Variants in NMNAT2 observed in about 807,000 individuals in gnomAD.
NMNAT2 encodes nicotinamide/nicotinic acid mononucleotide adenylyltransferase 2.
Under a neutral mutation model 41.6 loss-of-function variants are expected in NMNAT2, and 11 were observed. That is an observed-to-expected ratio of 0.26 (90% CI 0.17 to 0.44). The LOEUF (loss-of-function observed/expected upper bound fraction) is 0.44, where lower values mean the gene tolerates loss of function less well. NMNAT2 is among the 20% of genes least tolerant of loss of function. NMNAT2 has a pLI of 1.00. For missense variants in NMNAT2, 288 were observed against 407.7 expected, an observed-to-expected ratio of 0.71 and a Z score of 2.53; for synonymous variants, 148 against 151.2, an observed-to-expected ratio of 0.98 and a Z score of 0.16.
chr1:183,385,043 A>C (rs1039153850), intron 1 of NMNAT2, among the ~76,000 whole-genome samples: 2 of 151,968 alleles, frequency 1.3e-5, no homozygotes, highest in South Asian at 2.1e-4. Context: ...AAAAAATAAA[A>C]ATAAAAAATA....
At position 183,250,980 on chromosome 1, in the gene NMNAT2, A is replaced by C. The variant is rs202098419; in HGVS notation, c.*1661T>G. 6.6e-6 allele frequency: 1 copy of C among 152,196 alleles called. No individual in the cohort carries two copies. The highest frequency in any genetic ancestry group is 1.5e-5 in the Non-Finnish European group (1 of 68,028). 9.4% of individuals were successfully genotyped at this position (152,196 alleles called of 1,614,324 possible). The stretch of plus-strand genomic sequence containing the variant: ...AATACTCAGGGACTATTTCTCAAAG[A>C]CCAGAATCCCAAGAGCCAGAGACTG... On this transcript the variant is annotated 3_prime_UTR_variant, in exon 11 of 11. Coordinates refer to ENST00000287713, the MANE Select transcript of NMNAT2 (RefSeq NM_015039.4).
chr1:183,275,607 G>C (rs1661101790), intron 8 of NMNAT2, among the ~76,000 whole-genome samples: 4 of 151,782 alleles, frequency 2.6e-5, no homozygotes, highest in African/African-American at 7.3e-5. Context: ...TAGGATGGGT[G>C]TCCTGGGACT....
In NMNAT2 at chr1:183,251,491, C is replaced by T. The variant is rs1660376850; in HGVS notation, c.*1150G>A. 1 of 152,302 alleles carries T rather than the reference C, an allele frequency of 6.6e-6. No individual in the cohort carries two copies. Among genetic ancestry groups the T allele is most frequent in the African/African-American group, 2.4e-5 (1 of 41,442 alleles). 9.4% of individuals were successfully genotyped at this position (152,302 alleles called of 1,614,324 possible). A position where few individuals can be genotyped will look rare whatever the true frequency, so the allele number is the denominator to read the frequency against. On this transcript the variant is annotated 3_prime_UTR_variant, in exon 11 of 11. Coordinates refer to ENST00000287713, the MANE Select transcript of NMNAT2 (RefSeq NM_015039.4). ...AAAGACCTCCAGGGTTGAGTGGACT[C>T]CTAGTGTTTTTTTGTTTTGTTTTGT...
intron 1 of NMNAT2, among the ~76,000 whole-genome samples, chr1:183,374,287 T>C (rs1663624768): frequency 8.7e-6 from 1 of 114,346 alleles, no homozygotes; most frequent in Non-Finnish European, 2.1e-5. Flanking sequence ...ACTTCAGGAA[T>C]CTGCTTGCAC....
At chr1:183,352,162 T>C (rs1557886794) in intron 1 of NMNAT2, among the ~76,000 whole-genome samples, 3 of 151,986 alleles carry the variant, frequency 2.0e-5, no homozygotes, top group South Asian at 4.2e-4. Context: ...CTCTTCAAGA[T>C]AAAAAAAGGC....
intron 1 of NMNAT2, among the ~76,000 whole-genome samples, chr1:183,385,953 C>T (rs7551809): frequency 0.092 from 13,915 of 152,050 alleles, 806 homozygotes; most frequent in Middle Eastern, 0.18. Flanking sequence ...CTGATGAGGG[C>T]CCGAGGGGAT....
intron 1 of NMNAT2, among the ~76,000 whole-genome samples, chr1:183,340,321 CTTTT>C (rs34610627): frequency 4.4e-5 from 5 of 114,784 alleles, no homozygotes; most frequent in Admixed American, 8.7e-5. Context: ...CCTGGGTTAG[CTTTT>C]TTTTTTTTTT....
chr1:183,405,799 C>T (rs1246654609), intron 1 of NMNAT2, among the ~76,000 whole-genome samples: 1 of 152,198 alleles, frequency 6.6e-6, no homozygotes, highest in East Asian at 1.9e-4. Context: ...TTTCAGAATT[C>T]AGAAACGCTT....
chr1:183,405,633 G>T (rs953738747), intron 1 of NMNAT2, among the ~76,000 whole-genome samples: 1 of 152,216 alleles, frequency 6.6e-6, no homozygotes, highest in East Asian at 1.9e-4. Flanking sequence ...AAGACTTTAA[G>T]ACATGGACAA....
intron 1 of NMNAT2, among the ~76,000 whole-genome samples, chr1:183,393,454 A>G (rs1255246198): frequency 1.3e-5 from 2 of 151,642 alleles, no homozygotes; most frequent in African/African-American, 4.8e-5. Context: ...CTCAAGGACC[A>G]TGGCTGCTAC....
In NMNAT2 at chr1:183,249,418, C is replaced by T. The variant is rs183667797; in HGVS notation, c.*3223G>A. 49 of 152,296 alleles carry T rather than the reference C, an allele frequency of 3.2e-4. No individual in the cohort carries two copies. Among genetic ancestry groups the T allele is most frequent in the African/African-American group, 1.2e-3 (48 of 41,564 alleles). 9.4% of individuals were successfully genotyped at this position (152,296 alleles called of 1,614,324 possible). On this transcript the variant is annotated 3_prime_UTR_variant, in exon 11 of 11. Transcript: ENST00000287713. ...TTTTGCTGGTGAACAGGAAACAAAG[C>T]TCCAGACCCCTCTGGACATGATTGT... is the stretch of plus-strand genomic sequence containing the variant.
At chr1:183,310,735 A>G (rs897310876) in intron 1 of NMNAT2, among the ~76,000 whole-genome samples, 14 of 152,110 alleles carry the variant, frequency 9.2e-5, no homozygotes, top group African/African-American at 3.4e-4. Flanking sequence ...CAGTTTGTCA[A>G]CCGTGCCAGG....
chr1:183,409,261 C>A (rs1251019722), intron 1 of NMNAT2, among the ~76,000 whole-genome samples: 5 of 152,094 alleles, frequency 3.3e-5, no homozygotes, highest in African/African-American at 9.7e-5. Context: ...CATAGTGTCA[C>A]TTTATTGAGT....
chr1:183,390,002 G>A (rs1177138072), intron 1 of NMNAT2, among the ~76,000 whole-genome samples: 1 of 151,698 alleles, frequency 6.6e-6, no homozygotes, highest in African/African-American at 2.4e-5. Flanking sequence ...AGCTTTTACA[G>A]GATAGTGCAA....
rs572488054 is a variant in NMNAT2, at chr1:183,362,478, A to G, written c.85+55705T>C. Among the ~76,000 whole-genome samples, 14 of 152,262 alleles carry G rather than the reference A, an allele frequency of 9.2e-5. No individual in the cohort carries two copies. In the South Asian group the frequency reaches 2.9e-3, roughly 32 times the overall value. ...GGCCACTACTCTACTTTCTATCCCTACAGATTTGCCTATTCTGGACATTTC... is the reference window on the plus strand; with the variant it reads ...GGCCACTACTCTACTTTCTATCCCTGCAGATTTGCCTATTCTGGACATTTC... On this transcript the variant is annotated intron_variant, in intron 1 of 10. Transcript: ENST00000287713.
At chr1:183,416,284 G>T (rs1649249370) in intron 1 of NMNAT2, among the ~76,000 whole-genome samples, 1 of 152,182 alleles carries the variant, frequency 6.6e-6, no homozygotes, top group Non-Finnish European at 1.5e-5. Context: ...AGTACCTGCT[G>T]GGTCATCAAA....
intron 1 of NMNAT2, among the ~76,000 whole-genome samples, chr1:183,384,324 C>T (rs558451438): frequency 2.0e-5 from 3 of 152,242 alleles, no homozygotes; most frequent in South Asian, 2.1e-4. Flanking sequence ...CTCAGCCTTC[C>T]GAGTAGCTGG....
At chr1:183,348,004 C>G (rs1321454504) in intron 1 of NMNAT2, among the ~76,000 whole-genome samples, 1 of 152,120 alleles carries the variant, frequency 6.6e-6, no homozygotes, top group African/African-American at 2.4e-5. Flanking sequence ...ATATACCTCC[C>G]CCATTCCCAT....
intron 8 of NMNAT2, among the ~76,000 whole-genome samples, chr1:183,276,816 C>G (rs1039789967): frequency 6.6e-6 from 1 of 152,176 alleles, no homozygotes; most frequent in African/African-American, 2.4e-5. Context: ...TGTGAATTAG[C>G]CAGGAAAGCA....
Sources: gnomAD v4.1 joint callset for allele counts (sites outside exome capture counted in the v4.1 genomes callset) on GRCh38, gnomAD v4.1.1 for gene constraint, MANE v1.5 for transcripts, NCBI Gene and HGNC (gene_info 2026-07-23, HGNC 2026-07-21) for gene names.